FAF1: variants seen among roughly 807,000 people sequenced by gnomAD.
FAF1 encodes Fas associated factor 1.
A neutral mutation model predicts 92.5 loss-of-function variants in FAF1; 25 were observed. The ratio of observed to expected loss-of-function variants is 0.27; its 90% CI spans 0.20 to 0.38. The LOEUF (loss-of-function observed/expected upper bound fraction) is 0.38, where lower values mean the gene tolerates loss of function less well. Among genes scored for constraint, FAF1 ranks in the 10% least tolerant of loss-of-function variants. FAF1 has a pLI of 1.00. For synonymous variants in FAF1, 234 were observed against 273.2 expected (o/e 0.86, Z 1.42); for missense variants, 636 against 793.3 (o/e 0.80, Z 2.38).
chr1:50,825,431 T>C (rs1054484320), intron 2 of FAF1, among the ~76,000 whole-genome samples: 10 of 151,984 alleles, frequency 6.6e-5, no homozygotes, highest in African/African-American at 2.4e-4. Context: ...CATAGGACTT[T>C]TAAGGCAAGA....
intron 4 of FAF1, 27 bp downstream of exon 4, chr1:50,787,973 A>C: frequency 1.3e-6 from 2 of 1,568,328 alleles, no homozygotes; most frequent in Non-Finnish European, 1.8e-6. Flanking sequence ...TTTATTTGTG[A>C]AGGCTTTATG....
Position 50,738,949 on chromosome 1 carries a change from G to A in FAF1, c.465C>T (p.Val155=). 1 of 1,588,840 alleles carries A rather than the reference G, an allele frequency of 6.3e-7. No individual in the cohort carries two copies. Among genetic ancestry groups the A allele is most frequent in the Non-Finnish European group, 8.6e-7 (1 of 1,166,036 alleles). ...TTTTTGGCAAGTGTAGAGATTTTAG[G>A]ACCGTCTGAAAAAGAAAAAACACAG... The part of the protein sequence containing the change: ...WKTGDVEDST[V]LKSLHLPKNN... Residue 155 remains valine (V), a synonymous_variant, in exon 6 of 19, where the codon GTC becomes GTT. Coordinates refer to ENST00000396153, the MANE Select transcript of FAF1 (RefSeq NM_007051.3).
chr1:50,934,827 C>T (rs1645073876), intron 1 of FAF1, among the ~76,000 whole-genome samples: 2 of 152,108 alleles, frequency 1.3e-5, no homozygotes. Context: ...TCTTTCAACA[C>T]TTTAAAGATA....
At chr1:50,869,743 C>G (rs1195585149) in intron 1 of FAF1, among the ~76,000 whole-genome samples, 1 of 152,070 alleles carries the variant, frequency 6.6e-6, no homozygotes, top group East Asian at 1.9e-4. Flanking sequence ...TGAGGATGTA[C>G]TTTTAGATTC....
intron 7 of FAF1, among the ~76,000 whole-genome samples, chr1:50,670,422 T>C (rs891689708): frequency 2.0e-5 from 3 of 152,018 alleles, no homozygotes; most frequent in African/African-American, 7.2e-5. Context: ...TCACAGCTAG[T>C]AGTGACCCTA....
Position 50,708,486 on chromosome 1 carries a change from T to C in FAF1, c.552-2595A>G, listed in dbSNP as rs77206138. Among the ~76,000 whole-genome samples the C allele has an allele frequency of 7.7e-3, 1,163 of 151,896 alleles. 12 individuals are homozygous for C. Among genetic ancestry groups the C allele is most frequent in the Middle Eastern group, 0.071 (21 of 294 alleles). On this transcript the variant is annotated intron_variant, in intron 6 of 18. Transcript: ENST00000396153. ...AAGTTTTCGTTCAAAGTTTGAGATG[T>C]CCATTGAGATGTTTTGAGATGTCTA...
chr1:50,704,486 C>G (rs1243912625), intron 7 of FAF1, among the ~76,000 whole-genome samples: 1 of 152,020 alleles, frequency 6.6e-6, no homozygotes, highest in Admixed American at 6.6e-5. Flanking sequence ...TTCACATATA[C>G]AATTTAGATT....
rs1644098922 is a variant in FAF1, at chr1:50,826,468, T to C, written c.115-24791A>G. Among the ~76,000 whole-genome samples the C allele has an allele frequency of 2.6e-5, 4 of 151,710 alleles. No homozygotes were observed. The South Asian group carries it at 8.3e-4, about 32-fold the overall frequency. On this transcript the variant is annotated intron_variant, in intron 2 of 18. Transcript: ENST00000396153. ...AGGAGGCCAAGGCAGGAGAATCACT[T>C]GCACCTGGGAGGCAGAGATTGCAGT...
intron 2 of FAF1, among the ~76,000 whole-genome samples, chr1:50,829,994 T>G (rs1482901857): frequency 1.3e-5 from 2 of 152,226 alleles, no homozygotes; most frequent in African/African-American, 2.4e-5. Context: ...CCTTTTAGGT[T>G]CAGGTGGGCT....
At position 50,803,087 on chromosome 1, in the gene FAF1, G is replaced by C. The variant is rs565828316; in HGVS notation, c.115-1410C>G. On this transcript the variant is annotated intron_variant, in intron 2 of 18. Transcript: ENST00000396153. ...CTCTGGAGGCTTGTAAATCCTTTGA[G>C]TAAAGCAAATGCTAAAATCAGTTTT... is the stretch of plus-strand genomic sequence containing the variant. Among the ~76,000 whole-genome samples the C allele has an allele frequency of 2.6e-5, 4 of 152,324 alleles. No homozygotes were observed. The South Asian group carries it at 8.3e-4, about 32-fold the overall frequency.
At chr1:50,555,988 G>A (rs894976621) in intron 13 of FAF1, among the ~76,000 whole-genome samples, 8 of 151,512 alleles carry the variant, frequency 5.3e-5, no homozygotes, top group Non-Finnish European at 7.4e-5. Flanking sequence ...TATATGGTGT[G>A]TATATATATG....
chr1:50,646,835 G>C lies in FAF1; in HGVS notation c.744+8607C>G, dbSNP rs986889891. Reference sequence around the variant, plus strand: ...TTAAAGCGAACTAAATATGATCTCAGAAGGACTCTATTTCTTCTTCTTTCT... The same window carrying C: ...TTAAAGCGAACTAAATATGATCTCACAAGGACTCTATTTCTTCTTCTTTCT... On this transcript the variant is annotated intron_variant, in intron 8 of 18. Transcript: ENST00000396153. Among the ~76,000 whole-genome samples, 6 of 152,048 alleles carry C rather than the reference G, an allele frequency of 3.9e-5. No homozygotes were observed. In the East Asian group the frequency reaches 1.2e-3, roughly 29 times the overall value.
intron 15 of FAF1, among the ~76,000 whole-genome samples, chr1:50,502,516 A>C (rs926203371): frequency 1.3e-5 from 2 of 152,202 alleles, no homozygotes; most frequent in Non-Finnish European, 2.9e-5. Context: ...ATTAGGTAAA[A>C]GTACAGTATT....
At chr1:50,527,141 C>T (rs1019853142) in intron 15 of FAF1, among the ~76,000 whole-genome samples, 21 of 152,124 alleles carry the variant, frequency 1.4e-4, no homozygotes, top group Admixed American at 1.4e-3. Context: ...CAGGAGTGAG[C>T]CACTGTGCCG....
intron 7 of FAF1, among the ~76,000 whole-genome samples, chr1:50,700,995 G>A (rs1362761240): frequency 6.6e-6 from 1 of 151,892 alleles, no homozygotes; most frequent in Non-Finnish European, 1.5e-5. Flanking sequence ...CATTTGAAGT[G>A]GTATGATTTC....
chr1:50,509,892 G>A (rs1352158976), intron 15 of FAF1, among the ~76,000 whole-genome samples: 2 of 151,984 alleles, frequency 1.3e-5, no homozygotes, highest in Non-Finnish European at 2.9e-5. Context: ...AAATGGCCAG[G>A]CACAGTGGCT....
At chr1:50,650,012 C>T (rs1453097923) in intron 8 of FAF1, among the ~76,000 whole-genome samples, 1 of 151,650 alleles carries the variant, frequency 6.6e-6, no homozygotes, top group Non-Finnish European at 1.5e-5. Flanking sequence ...AAGCTGGGCA[C>T]GGTGGCTCAT....
chr1:50,906,809 A>G (rs1206489740), intron 1 of FAF1, among the ~76,000 whole-genome samples: 2 of 152,234 alleles, frequency 1.3e-5, no homozygotes, highest in Non-Finnish European at 2.9e-5. Flanking sequence ...TAAATACACA[A>G]TCATGTCATC....
intron 8 of FAF1, among the ~76,000 whole-genome samples, chr1:50,620,272 C>T (rs1653131078): frequency 6.6e-6 from 1 of 152,094 alleles, no homozygotes; most frequent in African/African-American, 2.4e-5. Context: ...TAAATTTTTT[C>T]TTTATTTTTG....
Sources: gnomAD v4.1 joint callset for allele counts (sites outside exome capture counted in the v4.1 genomes callset) on GRCh38, gnomAD v4.1.1 for gene constraint, MANE v1.5 for transcripts, NCBI Gene and HGNC (gene_info 2026-07-23, HGNC 2026-07-21) for gene names.